The following C1orf167 variants were observed in gnomAD, a reference collection of about 807,000 sequenced individuals.
C1orf167 encodes chromosome 1 open reading frame 167.
In C1orf167, 153 loss-of-function variants were observed where a neutral mutation model predicts 176.5. The observed-to-expected ratio is 0.87, with a 90% CI of 0.76 to 0.99. The LOEUF (loss-of-function observed/expected upper bound fraction) is 0.99. C1orf167 is among the 50% of genes least tolerant of loss of function. The pLI, the probability that C1orf167 is intolerant of heterozygous loss-of-function variation, is 0.00. For missense variants in C1orf167, 1,490 were observed against 1,817.7 expected (o/e 0.82, Z 3.28); for synonymous variants, 594 against 752.7 (o/e 0.79, Z 3.45).
At chr1:11,784,701 G>A (rs1643762794) in intron 15 of C1orf167, 108 bp downstream of exon 15, 1 of 1,137,570 alleles carries the variant, frequency 8.8e-7, no homozygotes, top group African/African-American at 1.6e-5. Flanking sequence ...GCAGGGCAAA[G>A]GCTCAAGAGG....
chr1:11,785,381 A>G, intron 16 of C1orf167, 92 bp downstream of exon 16: 1 of 1,160,128 alleles, frequency 8.6e-7, no homozygotes, highest in Non-Finnish European at 1.1e-6. Flanking sequence ...CCTTGGAAAC[A>G]GGTGAAGGGA....
At chr1:11,783,240 T>C (rs947047530) in intron 14 of C1orf167, among the ~76,000 whole-genome samples, 2 of 151,090 alleles carry the variant, frequency 1.3e-5, no homozygotes, top group Non-Finnish European at 2.9e-5. Flanking sequence ...TGTAGATGGT[T>C]ATTTTGTTTG....
At chr1:11,784,057 C>T in intron 14 of C1orf167, 117 bp from the exon 15 acceptor site, 1 of 932,952 alleles carries the variant, frequency 1.1e-6, no homozygotes, top group Non-Finnish European at 1.4e-6. Flanking sequence ...GGGGTTTCAC[C>T]ACGTTGGTCA....
At chr1:11,772,904 A>ATTATTATTATTATTATTATT (rs56228938) in intron 8 of C1orf167, among the ~76,000 whole-genome samples, 99 of 146,464 alleles carry the variant, frequency 6.8e-4, no homozygotes, top group African/African-American at 1.2e-3. Flanking sequence ...CATTATTATT[A>ATTATTATTATTATTATTATT]TTATTATTAT....
In C1orf167 at chr1:11,787,407, A is replaced by G. The variant is rs1426113534; in HGVS notation, c.3587A>G (p.Gln1196Arg). The change falls in exon 17 of 21, where the codon CAG (glutamine) becomes CGG (arginine). Residue 1196 changes from glutamine to arginine, a missense_variant. Physicochemically the swap from Gln to Arg is conservative, Grantham distance 43 (BLOSUM62 1). Transcript: ENST00000688073. ...GAGKTRSCWT[Q>R]ATELVPPAPS... ...CTTCAGACCCGCAGCTGCTGGACAC[A>G]GGCCACAGAGCTGGTGCCTCCCGCG... 12 of 1,300,002 alleles carry G rather than the reference A, an allele frequency of 9.2e-6. No individual in the cohort carries two copies. In the East Asian group the frequency reaches 5.6e-4, roughly 61 times the overall value. The allele number at this position is 1,300,002 out of a possible 1,614,324, so 80.5% of individuals were successfully genotyped here.
chr1:11,788,855 C>CG, intron 20 of C1orf167, 109 bp downstream of exon 20: 1 of 1,021,276 alleles, frequency 9.8e-7, no homozygotes, highest in Non-Finnish European at 1.3e-6. Flanking sequence ...TTGCCAGCCC[C>CG]GGGGCCCCTT....
At position 11,768,431 on chromosome 1, in the gene C1orf167, C is replaced by G; in HGVS notation, c.1542+156C>G. The G allele has an allele frequency of 1.6e-6, 1 of 629,070 alleles. No individual in the cohort carries two copies. The highest frequency in any genetic ancestry group is 2.3e-6 in the Non-Finnish European group (1 of 430,670). The allele number at this position is 629,070 out of a possible 1,614,324, so 39.0% of individuals were successfully genotyped here. On this transcript the variant is annotated intron_variant, in intron 5 of 20. Coordinates refer to ENST00000688073, the MANE Select transcript of C1orf167 (RefSeq NM_001010881.2). The surrounding 1 kb of genome is among the most constrained non-coding windows in gnomAD (Gnocchi z 4.5). ...TAGTTGTGAGTCCACACACCTGAAT[C>G]AGCTCTGCCTGAGTTCAAATCCTGC...
chr1:11,771,069 A>ATTTTTTT (rs147195468), intron 6 of C1orf167, among the ~76,000 whole-genome samples: 11 of 47,224 alleles, frequency 2.3e-4, no homozygotes, highest in Admixed American at 1.2e-3. Context: ...ATATATATAT[A>ATTTTTTT]TTTTTTTTTT....
chr1:11,766,187 A>T lies in C1orf167; in HGVS notation c.401A>T (p.His134Leu), dbSNP rs1412335963. 2.3e-6 allele frequency: 3 copies of T among 1,289,514 alleles called. No individual in the cohort carries two copies. The highest frequency in any genetic ancestry group is 4.6e-5 in the Admixed American group (2 of 43,546). The allele number at this position is 1,289,514 out of a possible 1,614,324, so 79.9% of individuals were successfully genotyped here. ...AGCATCAACGAGACCAGCAGCCCCC[A>T]CCTCTGCCCAGAGCCTGGGGGAAGC... is the stretch of plus-strand genomic sequence containing the variant. ...NLSINETSSP[H>L]LCPEPGGSSG... is the part of the protein sequence containing the mutation. Residue 134 changes from histidine (H) to leucine (L), a missense_variant, in exon 3 of 21, where the codon CAC (histidine) becomes CTC (leucine). Physicochemically the swap from His to Leu is moderately conservative, Grantham distance 99. Coordinates refer to ENST00000688073, the MANE Select transcript of C1orf167 (RefSeq NM_001010881.2). This position sits in a 1 kb window ranked among gnomAD's most constrained non-coding sequence, Gnocchi z 4.5.
At chr1:11,771,049 G>GTGTGTGTGTGTATATATA (rs1491322371) in intron 6 of C1orf167, among the ~76,000 whole-genome samples, 12 of 34,912 alleles carry the variant, frequency 3.4e-4, no homozygotes, top group Admixed American at 2.6e-3. Context: ...GTGTGTGTGT[G>GTGTGTGTGTGTATATATA]TATATATATA....
Position 11,768,262 on chromosome 1 carries a change from G to A in C1orf167, c.1529G>A (p.Arg510Gln), listed in dbSNP as rs4845881. The change falls in exon 5 of 21, where the codon CGG becomes CAG. Residue 510 changes from arginine to glutamine, a missense_variant. Arg to Gln is a conservative substitution (Grantham distance 43). Coordinates refer to ENST00000688073, the MANE Select transcript of C1orf167 (RefSeq NM_001010881.2). The surrounding 1 kb of genome is among the most constrained non-coding windows in gnomAD (Gnocchi z 4.5). ...WGQYTKVLLV[R>Q]SFREWRNLAL... is the part of the protein sequence containing the mutation. ...CAGTACACAAAGGTTCTGCTGGTCC[G>A]GAGCTTCCGAGAGGTCAGCGGTCTC... The A allele has an allele frequency of 0.65, 842,616 of 1,289,670 alleles. 278,410 individuals carry two copies. Among genetic ancestry groups the A allele is most frequent in the Admixed American group, 0.77 (33,505 of 43,552 alleles). The allele number at this position is 1,289,670 out of a possible 1,614,324, so 79.9% of individuals were successfully genotyped here. A position where few individuals can be genotyped will look rare whatever the true frequency, so the allele number is the denominator to read the frequency against.
chr1:11,788,551 T>C, intron 19 of C1orf167, 101 bp from the exon 20 acceptor site: 2 of 1,158,884 alleles, frequency 1.7e-6, no homozygotes, highest in Non-Finnish European at 2.3e-6. Flanking sequence ...GCCATAGCCC[T>C]TTCACTCTGG....
chr1:11,775,341 A>G (rs1643260381), intron 8 of C1orf167, 94 bp from the exon 9 acceptor site: 2 of 999,536 alleles, frequency 2.0e-6, no homozygotes, highest in African/African-American at 1.7e-5. Flanking sequence ...GGCTTGCCCA[A>G]GGCCTGGGTA....
At position 11,782,198 on chromosome 1, in the gene C1orf167, T is replaced by C. The variant is rs1366889496; in HGVS notation, c.2870T>C (p.Phe957Ser). Residue 957 changes from phenylalanine to serine, a missense_variant, in exon 14 of 21, where the codon TTC (phenylalanine) becomes TCC (serine). Phe to Ser is a radical substitution (Grantham distance 155, BLOSUM62 -2). Coordinates refer to ENST00000688073, the MANE Select transcript of C1orf167 (RefSeq NM_001010881.2). ...ATCTCTCTGGCCCCAGGGCAGCAGT[T>C]CCTGCATGAAAAGTGCCAGACATGG... ...HWHSCWQGQQ[F>S]LHEKCQTWVQ... The C allele has an allele frequency of 7.8e-7, 1 of 1,285,870 alleles. No individual in the cohort carries two copies. The highest frequency in any genetic ancestry group is 1.5e-5 in the African/African-American group (1 of 65,336). 79.7% of individuals were successfully genotyped at this position (1,285,870 alleles called of 1,614,324 possible).
chr1:11,776,847 A>G (rs1319445257), intron 10 of C1orf167, among the ~76,000 whole-genome samples: 1 of 152,142 alleles, frequency 6.6e-6, no homozygotes, highest in Non-Finnish European at 1.5e-5. Flanking sequence ...GGGACACTGG[A>G]ACAGTGATTG....
chr1:11,766,933 G>T lies in C1orf167; in HGVS notation c.1147G>T (p.Asp383Tyr), dbSNP rs115743330. ...TCGAGGGGTGGGAAGCAGGGGGACC[G>T]ACCCCTGTTCCTCAGCCTTCTCCAA... ...LPRGVGSRGTDPCSSAFSNTA... is the reference protein window; with the variant it reads ...LPRGVGSRGTYPCSSAFSNTA... Residue 383 changes from aspartate to tyrosine, a missense_variant, in exon 3 of 21, where the codon GAC (aspartate) becomes TAC (tyrosine). Asp to Tyr is a radical substitution (Grantham distance 160). Transcript: ENST00000688073. The surrounding 1 kb of genome is among the most constrained non-coding windows in gnomAD (Gnocchi z 4.5). 8.2e-7 allele frequency: 1 copy of T among 1,214,670 alleles called. No individual in the cohort carries two copies. Among genetic ancestry groups the T allele is most frequent in the Non-Finnish European group, 1.1e-6 (1 of 951,500 alleles). The allele number at this position is 1,214,670 out of a possible 1,614,324, so 75.2% of individuals were successfully genotyped here. A position where few individuals can be genotyped will look rare whatever the true frequency, so the allele number is the denominator to read the frequency against.
chr1:11,776,304 T>C (rs1169904384), intron 9 of C1orf167, among the ~76,000 whole-genome samples, 160 bp from the exon 10 acceptor site: 1 of 151,932 alleles, frequency 6.6e-6, no homozygotes, highest in Middle Eastern at 3.2e-3. Context: ...CTGGGGAAGA[T>C]GGGATCTTTG....
At chr1:11,779,347 C>T (rs1219963658) in intron 12 of C1orf167, 1 of 221,210 alleles carries the variant, frequency 4.5e-6, no homozygotes, top group Non-Finnish European at 9.0e-6. Context: ...GAGTTGGTCT[C>T]CCTGGGTTCT....
intron 1 of C1orf167, among the ~76,000 whole-genome samples, chr1:11,763,912 G>C (rs941369912): frequency 3.3e-5 from 5 of 152,158 alleles, no homozygotes; most frequent in African/African-American, 9.7e-5. Flanking sequence ...ATTTTTGTTT[G>C]AGCCACCAGA....
Sources: allele counts gnomAD v4.1 joint callset (sites outside exome capture counted in the v4.1 genomes callset), GRCh38; gene constraint gnomAD v4.1.1; non-coding constraint Gnocchi (gnomAD v3.1); transcripts MANE v1.5; gene names NCBI Gene and HGNC (gene_info 2026-07-23, HGNC 2026-07-21).